Variants in CNTNAP2 observed in about 807,000 individuals in gnomAD.
CNTNAP2 encodes the protein contactin associated protein 2, also known as contactin-associated protein-like 2.
In CNTNAP2, 98 loss-of-function variants were observed where a neutral mutation model predicts 155.2. The observed-to-expected ratio is 0.63, with a 90% CI of 0.54 to 0.75. CNTNAP2 has a LOEUF of 0.75. Among genes scored for constraint, CNTNAP2 ranks in the 30% least tolerant of loss-of-function variants. The probability of loss-of-function intolerance (pLI) is 0.00; values close to 1 mark genes in which losing one functional copy is unlikely to be tolerated. For missense variants in CNTNAP2, 1,727 were observed against 1,688.1 expected (o/e 1.02, Z -0.40); for synonymous variants, 651 against 631.2 (o/e 1.03, Z -0.47).
intron 3 of CNTNAP2, among the ~76,000 whole-genome samples, chr7:146,985,325 T>G (rs1370072502): frequency 2.1e-4 from 11 of 53,540 alleles, no homozygotes; most frequent in Non-Finnish European, 4.0e-4. Context: ...TTTTTTTTTT[T>G]TTTTTTTTTT....
At chr7:147,203,693 TG>T (rs1802965774) in intron 8 of CNTNAP2, among the ~76,000 whole-genome samples, 1 of 152,170 alleles carries the variant, frequency 6.6e-6, no homozygotes, top group South Asian at 2.1e-4. Context: ...AATATTACCA[TG>T]GGTATCAAGA....
intron 21 of CNTNAP2, among the ~76,000 whole-genome samples, chr7:148,327,937 TA>T (rs1797921012): frequency 2.0e-5 from 3 of 151,784 alleles, no homozygotes; most frequent in African/African-American, 7.3e-5. Context: ...AGTTTACAGG[TA>T]AAATGTCCAC....
At chr7:146,672,780 T>C (rs953753044) in intron 1 of CNTNAP2, among the ~76,000 whole-genome samples, 1 of 152,192 alleles carries the variant, frequency 6.6e-6, no homozygotes, top group Non-Finnish European at 1.5e-5. Flanking sequence ...CACATTATTC[T>C]CAAAACTTAT....
At position 147,332,195 on chromosome 7, in the gene CNTNAP2, G is replaced by A. The variant is rs146270086; in HGVS notation, c.1498+31905G>A. Among the ~76,000 whole-genome samples, 693 of 152,238 alleles carry A rather than the reference G, an allele frequency of 4.6e-3. 4 individuals are homozygous for A. Among genetic ancestry groups the A allele is most frequent in the Middle Eastern group, 0.027 (8 of 292 alleles). Reference sequence around the variant, plus strand: ...GCCAAGAACACGGGAAATAATAGCCGTATTTTCTTCTACACTGGTTCAACT... The same window carrying A: ...GCCAAGAACACGGGAAATAATAGCCATATTTTCTTCTACACTGGTTCAACT... On this transcript the variant is annotated intron_variant, in intron 9 of 23. Coordinates refer to ENST00000361727, the MANE Select transcript of CNTNAP2 (RefSeq NM_014141.6).
chr7:148,056,323 G>A (rs748024288), intron 15 of CNTNAP2: 1 of 152,184 alleles, frequency 6.6e-6, no homozygotes, highest in Non-Finnish European at 1.5e-5. Context: ...CAAAAACCAT[G>A]CAGTCAGTTT....
At chr7:148,227,777 A>G (rs1795879549) in intron 19 of CNTNAP2, among the ~76,000 whole-genome samples, 1 of 152,226 alleles carries the variant, frequency 6.6e-6, no homozygotes, top group Admixed American at 6.5e-5. Flanking sequence ...TTTAGAAAAC[A>G]AATATAGGAA....
chr7:146,563,033 A>G (rs188036913), intron 1 of CNTNAP2, among the ~76,000 whole-genome samples: 8 of 152,318 alleles, frequency 5.3e-5, no homozygotes, highest in Admixed American at 3.3e-4. Flanking sequence ...AGAGAAATCA[A>G]CTTGTCCAAG....
Position 146,663,111 on chromosome 7 carries a change from T to C in CNTNAP2, c.98-111160T>C, listed in dbSNP as rs1275710038. On this transcript the variant is annotated intron_variant, in intron 1 of 23. Coordinates refer to ENST00000361727, the MANE Select transcript of CNTNAP2 (RefSeq NM_014141.6). ...TGGCCAATATGGTGAAATCCCATCT[T>C]TAATAAAAATACAAATAATAGCCGG... Among the ~76,000 whole-genome samples, 3 of 151,614 alleles carry C rather than the reference T, an allele frequency of 2.0e-5. No homozygotes were observed. In the East Asian group the frequency reaches 5.8e-4, roughly 29 times the overall value.
rs74771049 is a variant in CNTNAP2 at position 146,948,904 on chromosome 7, G to A, written c.403-95003G>A. Among the ~76,000 whole-genome samples the A allele has an allele frequency of 2.8e-4, 42 of 152,236 alleles. No individual in the cohort carries two copies. The East Asian group carries it at 7.7e-3, about 28-fold the overall frequency. On this transcript the variant is annotated intron_variant, in intron 3 of 23. Coordinates refer to ENST00000361727, the MANE Select transcript of CNTNAP2 (RefSeq NM_014141.6). ...TTCATGTAGCAATGCTGTATAGACT[G>A]GCAGGTAGACAGAGGAGCAATTTCA...
chr7:148,121,871 A>G (rs1297624047), intron 16 of CNTNAP2, among the ~76,000 whole-genome samples: 1 of 152,168 alleles, frequency 6.6e-6, no homozygotes, highest in Non-Finnish European at 1.5e-5. Flanking sequence ...ATTCATATTT[A>G]TTCATTCATT....
chr7:146,239,714 C>T (rs192670990), intron 1 of CNTNAP2, among the ~76,000 whole-genome samples: 1 of 152,114 alleles, frequency 6.6e-6, no homozygotes, highest in South Asian at 2.1e-4. Flanking sequence ...CCTGGTAAAT[C>T]TGATACTTGT....
At chr7:146,615,301 G>A (rs2129154919) in intron 1 of CNTNAP2, among the ~76,000 whole-genome samples, 1 of 152,236 alleles carries the variant, frequency 6.6e-6, no homozygotes, top group Admixed American at 6.5e-5. Flanking sequence ...TGAAAGTCTA[G>A]AAAATTCAGT....
intron 13 of CNTNAP2, among the ~76,000 whole-genome samples, chr7:147,687,130 A>C (rs1043593772): frequency 1.3e-5 from 2 of 152,086 alleles, no homozygotes; most frequent in African/African-American, 2.4e-5. Context: ...TTGTATCCCA[A>C]AAATATGAAC....
At chr7:147,958,364 A>G (rs1347910447) in intron 14 of CNTNAP2, among the ~76,000 whole-genome samples, 1 of 152,154 alleles carries the variant, frequency 6.6e-6, no homozygotes, top group Non-Finnish European at 1.5e-5. Flanking sequence ...TTGTATGTTT[A>G]TTTAAAGTTT....
rs983131849 is a variant in CNTNAP2 at position 146,131,934 on chromosome 7, C to G, written c.97+14961C>G. Among the ~76,000 whole-genome samples the G allele has an allele frequency of 2.0e-5, 3 of 152,254 alleles. No individual in the cohort carries two copies. In the South Asian group the frequency reaches 6.2e-4, roughly 32 times the overall value. ...CTGTGCTCGAATTTACTCTCTCCTG[C>G]CACCTTGTGAAGAAGGTGTCTGCTT... is the stretch of plus-strand genomic sequence containing the variant. On this transcript the variant is annotated intron_variant, in intron 1 of 23. Transcript: ENST00000361727.
At chr7:147,079,345 G>A (rs537696469) in intron 4 of CNTNAP2, among the ~76,000 whole-genome samples, 11 of 151,986 alleles carry the variant, frequency 7.2e-5, no homozygotes, top group African/African-American at 2.7e-4. Flanking sequence ...ACCACACCAC[G>A]GCCTGACAGA....
chr7:147,236,256 C>T (rs781174056), intron 8 of CNTNAP2, among the ~76,000 whole-genome samples: 20 of 152,344 alleles, frequency 1.3e-4, no homozygotes, highest in Admixed American at 2.0e-4. Flanking sequence ...TTCACCTGCT[C>T]AGACTCTGAT....
chr7:146,725,769 A>G (rs908157109), intron 1 of CNTNAP2, among the ~76,000 whole-genome samples: 6 of 151,924 alleles, frequency 3.9e-5, no homozygotes, highest in Non-Finnish European at 8.8e-5. Context: ...ATGCGGGAGG[A>G]ACATCTTCCA....
intron 10 of CNTNAP2, among the ~76,000 whole-genome samples, chr7:147,480,418 A>G (rs1393375448): frequency 6.6e-6 from 1 of 152,194 alleles, no homozygotes; most frequent in Admixed American, 6.5e-5. Flanking sequence ...TGTTATATGT[A>G]TGTGGTCTAA....
Sources: allele counts gnomAD v4.1 joint callset (sites outside exome capture counted in the v4.1 genomes callset), GRCh38; gene constraint gnomAD v4.1.1; transcripts MANE v1.5; gene names NCBI Gene and HGNC (gene_info 2026-07-23, HGNC 2026-07-21).